The following CPNE4 variants were observed in gnomAD, a reference collection of about 807,000 sequenced individuals.
CPNE4 encodes the protein copine-4.
A neutral mutation model predicts 67.9 loss-of-function variants in CPNE4; 25 were observed. That is an observed-to-expected ratio of 0.37 (90% CI 0.27 to 0.51). The LOEUF (loss-of-function observed/expected upper bound fraction) is 0.51, where lower values mean the gene tolerates loss of function less well. CPNE4 is among the 20% of genes least tolerant of loss of function. The pLI is 0.93. For missense variants in CPNE4, 464 were observed against 690.8 expected (o/e 0.67, Z 3.68); for synonymous variants, 242 against 244.9 (o/e 0.99, Z 0.11).
At chr3:131,798,909 T>TA (rs964551622) in intron 2 of CPNE4, among the ~76,000 whole-genome samples, 8 of 152,054 alleles carry the variant, frequency 5.3e-5, no homozygotes, top group South Asian at 2.1e-4. Flanking sequence ...CTTCACTTTT[T>TA]AAAAAAAACC....
At chr3:132,019,870 T>C (rs914565126) in intron 1 of CPNE4, among the ~76,000 whole-genome samples, 1 of 152,162 alleles carries the variant, frequency 6.6e-6, no homozygotes, top group Non-Finnish European at 1.5e-5. Flanking sequence ...TTATGCAACA[T>C]TCCTGTGTCT....
chr3:131,749,612 T>C (rs953913306), intron 2 of CPNE4, among the ~76,000 whole-genome samples: 1 of 152,150 alleles, frequency 6.6e-6, no homozygotes, highest in African/African-American at 2.4e-5. Context: ...TCTGATTTTG[T>C]TTATTGTAAT....
chr3:131,725,280 C>A (rs1010518591), intron 2 of CPNE4, among the ~76,000 whole-genome samples: 2 of 152,170 alleles, frequency 1.3e-5, no homozygotes, highest in African/African-American at 4.8e-5. Context: ...CCTTCCTATG[C>A]AGGGATGTAT....
At chr3:131,842,727 TTG>T (rs1455781929) in intron 2 of CPNE4, among the ~76,000 whole-genome samples, 1 of 79,132 alleles carries the variant, frequency 1.3e-5, no homozygotes, top group Non-Finnish European at 2.9e-5. Context: ...TTATATTCTG[TTG>T]TAAAAAAAAA....
intron 1 of CPNE4, among the ~76,000 whole-genome samples, chr3:132,006,012 C>T (rs1392069878): frequency 6.6e-6 from 1 of 152,108 alleles, no homozygotes; most frequent in African/African-American, 2.4e-5. Flanking sequence ...GGCAGGAAAA[C>T]AGCATCTTCC....
At chr3:131,718,281 G>A (rs552631093) in intron 3 of CPNE4, among the ~76,000 whole-genome samples, 39 of 151,916 alleles carry the variant, frequency 2.6e-4, no homozygotes, top group African/African-American at 8.9e-4. Context: ...CACTGCACCC[G>A]GCCAAAGTGA....
chr3:131,597,389 A>G (rs573600907), intron 7 of CPNE4, among the ~76,000 whole-genome samples: 12 of 152,284 alleles, frequency 7.9e-5, no homozygotes, highest in African/African-American at 2.9e-4. Context: ...GCAGCAAACC[A>G]CCATAGCATG....
In CPNE4 at chr3:131,783,297, T is replaced by C. The variant is rs192380619; in HGVS notation, c.181-59672A>G. The stretch of plus-strand genomic sequence containing the variant: ...CAACCACCCTATGAGATAGGCCTAG[T>C]AGTGAATAATGGGCATCAGTTTTGG... On this transcript the variant is annotated intron_variant, in intron 2 of 15. Coordinates refer to ENST00000429747, the MANE Select transcript of CPNE4 (RefSeq NM_130808.3). Among the ~76,000 whole-genome samples the C allele has an allele frequency of 7.1e-4, 108 of 152,172 alleles. 1 individual carries two copies. The highest frequency in any genetic ancestry group is 1.3e-3 in the Admixed American group (20 of 15,276).
intron 2 of CPNE4, among the ~76,000 whole-genome samples, chr3:131,857,802 A>C (rs1045112928): frequency 6.6e-6 from 1 of 151,964 alleles, no homozygotes; most frequent in African/African-American, 2.4e-5. Context: ...TCCTAGACTA[A>C]TTACGTTGTA....
intron 2 of CPNE4, among the ~76,000 whole-genome samples, chr3:131,878,598 T>C (rs1332065506): frequency 6.6e-6 from 1 of 152,180 alleles, no homozygotes; most frequent in Non-Finnish European, 1.5e-5. Context: ...ACAGTTAGGA[T>C]TTATAAAATA....
At chr3:131,609,533 GC>G (rs1398090878) in intron 7 of CPNE4, among the ~76,000 whole-genome samples, 1 of 152,138 alleles carries the variant, frequency 6.6e-6, no homozygotes, top group Non-Finnish European at 1.5e-5. Context: ...AAACCAGGAT[GC>G]CTGAATCATT....
At chr3:131,877,905 G>T (rs2087521402) in intron 2 of CPNE4, among the ~76,000 whole-genome samples, 1 of 152,128 alleles carries the variant, frequency 6.6e-6, no homozygotes, top group African/African-American at 2.4e-5. Flanking sequence ...ATTCATAAAA[G>T]GTATGCAGAT....
intron 8 of CPNE4, 56 bp downstream of exon 8, chr3:131,587,428 T>C: frequency 9.2e-7 from 1 of 1,089,150 alleles, no homozygotes; most frequent in East Asian, 2.4e-5. Context: ...GGTAGCTGTG[T>C]TCTAAGGATG....
At chr3:131,778,749 G>C (rs2083355230) in intron 2 of CPNE4, among the ~76,000 whole-genome samples, 1 of 152,046 alleles carries the variant, frequency 6.6e-6, no homozygotes, top group African/African-American at 2.4e-5. Context: ...ATACAGCCCA[G>C]GGGGATAGGC....
rs981728464 is a variant in CPNE4 at position 131,978,804 on chromosome 3, T to C, written c.-2+55763A>G. 3.3e-4 allele frequency among the ~76,000 whole-genome samples: 50 copies of C among 151,596 alleles called. 1 individual carries two copies. The highest frequency in any genetic ancestry group is 3.0e-3 in the Admixed American group (46 of 15,102). On this transcript the variant is annotated intron_variant, in intron 1 of 15. Transcript: ENST00000429747. ...CCTTACAGTGTCGGTCTGTGCTCTT[T>C]AATTCTTTTTGATGTAGGCCTTTAG...
Position 131,696,538 on chromosome 3 carries a change from T to A in CPNE4, c.507+4A>T. The A allele has an allele frequency of 6.2e-7, 1 of 1,613,676 alleles. No homozygotes were observed. Among genetic ancestry groups the A allele is most frequent in the Non-Finnish European group, 8.5e-7 (1 of 1,179,612 alleles). ...TTCAATAAGGTTAATGCCAAACGCT[T>A]TACCTTGTCATCCAATTTCCGTGCA... On this transcript the variant is annotated splice_donor_region_variant and intron_variant, in intron 5 of 15. Coordinates refer to ENST00000429747, the MANE Select transcript of CPNE4 (RefSeq NM_130808.3).
At chr3:131,705,176 C>T (rs995047539) in intron 3 of CPNE4, among the ~76,000 whole-genome samples, 1 of 152,006 alleles carries the variant, frequency 6.6e-6, no homozygotes, top group Admixed American at 6.6e-5. Context: ...GGAATCATTG[C>T]TGTGGAGGAA....
At chr3:131,743,887 C>T (rs1397146732) in intron 2 of CPNE4, among the ~76,000 whole-genome samples, 5 of 128,534 alleles carry the variant, frequency 3.9e-5, no homozygotes, top group East Asian at 2.6e-4. Context: ...GGCGTGAACC[C>T]GGGAGGCGGA....
intron 1 of CPNE4, among the ~76,000 whole-genome samples, chr3:131,921,805 T>C (rs1388816678): frequency 6.6e-6 from 1 of 152,134 alleles, no homozygotes; most frequent in Non-Finnish European, 1.5e-5. Flanking sequence ...TGATGAATCG[T>C]CAAAGTAATT....
Sources: allele counts gnomAD v4.1 joint callset (sites outside exome capture counted in the v4.1 genomes callset), GRCh38; gene constraint gnomAD v4.1.1; transcripts MANE v1.5; gene names NCBI Gene and HGNC (gene_info 2026-07-23, HGNC 2026-07-21).